CAST: variants seen among roughly 807,000 people sequenced by gnomAD.
CAST encodes MIR583 host.
Under a neutral mutation model 119.6 loss-of-function variants are expected in CAST, and 76 were observed. The observed-to-expected ratio is 0.64, with a 90% confidence interval of 0.53 to 0.77. The LOEUF (loss-of-function observed/expected upper bound fraction) is 0.77. Among genes scored for constraint, CAST ranks in the 30% least tolerant of loss-of-function variants. CAST has a pLI of 0.00. For synonymous variants in CAST, 319 were observed against 331.6 expected (o/e 0.96, Z 0.41); for missense variants, 953 against 946.5 (o/e 1.01, Z -0.09).
At chr5:96,112,599 C>G in the CAST span, among the ~76,000 whole-genome samples, 4 of 151,972 alleles carry the variant, frequency 2.6e-5, no homozygotes, top group Admixed American at 6.6e-5. Flanking sequence ...GAAGCAGAAA[C>G]GAGAGAAAAT....
At chr5:96,643,564 C>T (rs746638287) in intron 1 of CAST, among the ~76,000 whole-genome samples, 7 of 151,846 alleles carry the variant, frequency 4.6e-5, no homozygotes, top group Non-Finnish European at 8.8e-5. Context: ...ATGGTAAAAC[C>T]CCAACTCCAT....
chr5:96,100,104 G>A, the CAST span, among the ~76,000 whole-genome samples: 1 of 152,166 alleles, frequency 6.6e-6, no homozygotes, highest in Admixed American at 6.5e-5. Context: ...CTGAGCCCTG[G>A]GCTAGTGGAA....
At chr5:96,575,700 T>C (rs1313971811) in intron 1 of CAST, among the ~76,000 whole-genome samples, 1 of 152,062 alleles carries the variant, frequency 6.6e-6, no homozygotes, top group Non-Finnish European at 1.5e-5. Context: ...TGGAGTGCAG[T>C]GGCACAATCA....
chr5:96,287,948 T>A, the CAST span, among the ~76,000 whole-genome samples: 1 of 152,206 alleles, frequency 6.6e-6, no homozygotes, highest in Non-Finnish European at 1.5e-5. Context: ...GTGGGATTTT[T>A]AAGTACTAAT....
chr5:96,062,395 C>T, the CAST span, among the ~76,000 whole-genome samples: 1 of 152,172 alleles, frequency 6.6e-6, no homozygotes, highest in Non-Finnish European at 1.5e-5. Flanking sequence ...GCTGTGTGTC[C>T]AAGAGACAGA....
intron 1 of CAST, among the ~76,000 whole-genome samples, chr5:96,628,447 C>T (rs186384693): frequency 1.2e-4 from 19 of 152,314 alleles, no homozygotes; most frequent in Admixed American, 7.8e-4. Context: ...GTCCTTGAAA[C>T]GTGCCCTAAT....
At chr5:96,653,755 G>C (rs1216533043) in intron 1 of CAST, among the ~76,000 whole-genome samples, 1 of 151,758 alleles carries the variant, frequency 6.6e-6, no homozygotes, top group Non-Finnish European at 1.5e-5. Flanking sequence ...AGAAAGAAAA[G>C]AAAAAAGAAT....
At chr5:96,701,470 T>TCAA (rs951689557) in intron 3 of CAST, among the ~76,000 whole-genome samples, 3 of 151,902 alleles carry the variant, frequency 2.0e-5, no homozygotes, top group East Asian at 3.9e-4. Flanking sequence ...ATACTAATGA[T>TCAA]CAACAACAAC....
At chr5:96,475,746 G>T in the CAST span, among the ~76,000 whole-genome samples, 1 of 152,196 alleles carries the variant, frequency 6.6e-6, no homozygotes, top group Non-Finnish European at 1.5e-5. Context: ...GTTTGGGGAT[G>T]GAATAAGAGG....
chr5:96,175,949 G>A, the CAST span, among the ~76,000 whole-genome samples: 8 of 152,226 alleles, frequency 5.3e-5, no homozygotes, highest in East Asian at 1.9e-4. Context: ...ACATCATTCC[G>A]CCTCTAGTAA....
At chr5:96,176,984 A>G in the CAST span, among the ~76,000 whole-genome samples, 9 of 152,354 alleles carry the variant, frequency 5.9e-5, no homozygotes, top group East Asian at 1.7e-3. Context: ...ATAATACTTA[A>G]GAATTCAAAT....
chr5:96,122,041 G>A, the CAST span, among the ~76,000 whole-genome samples: 1 of 152,026 alleles, frequency 6.6e-6, no homozygotes, highest in African/African-American at 2.4e-5. Context: ...GGTTGGCAGG[G>A]CTTCAAGTGG....
the CAST span, among the ~76,000 whole-genome samples, chr5:96,048,368 T>A: frequency 2.0e-5 from 3 of 152,110 alleles, no homozygotes; most frequent in Non-Finnish European, 2.9e-5. Context: ...ATGCCAGAGA[T>A]GACCAGAGTA....
chr5:96,258,759 A>G, the CAST span, among the ~76,000 whole-genome samples: 3 of 152,232 alleles, frequency 2.0e-5, no homozygotes, highest in Non-Finnish European at 4.4e-5. Flanking sequence ...ATGAAGTTAT[A>G]CTGTTTCATA....
At chr5:96,403,150 G>A in the CAST span, among the ~76,000 whole-genome samples, 2 of 152,078 alleles carry the variant, frequency 1.3e-5, no homozygotes, top group Admixed American at 1.3e-4. Context: ...TTCTGTAGTA[G>A]AGCATTTATT....
chr5:95,992,347 T>A, the CAST span, among the ~76,000 whole-genome samples: 4 of 151,938 alleles, frequency 2.6e-5, no homozygotes, highest in East Asian at 7.7e-4. Context: ...TTATCAGTGA[T>A]GTTATGTGGA....
chr5:96,740,980 AG>A (rs1762544648), intron 13 of CAST, 197 bp downstream of exon 13: 1 of 597,228 alleles, frequency 1.7e-6, no homozygotes. Flanking sequence ...AGGTTTTTTG[AG>A]GGAAAGGAGA....
chr5:96,356,004 T>C, the CAST span, among the ~76,000 whole-genome samples: 1 of 152,152 alleles, frequency 6.6e-6, no homozygotes. Flanking sequence ...CCGGCCTGTT[T>C]CCTGACTTTT....
chr5:96,215,433 CCTT>C, the CAST span: 1 of 151,922 alleles, frequency 6.6e-6, no homozygotes, highest in East Asian at 1.9e-4. Flanking sequence ...AGAAGAGAGG[CCTT>C]CTTTTACATT....
Sources: gnomAD v4.1 joint callset for allele counts (sites outside exome capture counted in the v4.1 genomes callset) on GRCh38, gnomAD v4.1.1 for gene constraint, MANE v1.5 for transcripts, NCBI Gene and HGNC (gene_info 2026-07-23, HGNC 2026-07-21) for gene names.